Variants in ENTPD5 observed in about 807,000 individuals in gnomAD.
ENTPD5 encodes the protein nucleoside diphosphate phosphatase ENTPD5.
In ENTPD5, 49 loss-of-function variants were observed where a neutral mutation model predicts 60.2. The observed-to-expected ratio is 0.81, with a 90% confidence interval of 0.65 to 1.03. The LOEUF (loss-of-function observed/expected upper bound fraction) is 1.03, where lower values mean the gene tolerates loss of function less well. Ranked by LOEUF, ENTPD5 falls within the 50% of genes least tolerant of loss-of-function variation. The pLI is 0.00. For synonymous variants in ENTPD5, 187 were observed against 185.4 expected, an observed-to-expected ratio of 1.01 and a Z score of -0.07; for missense variants, 480 against 507.6, an observed-to-expected ratio of 0.95 and a Z score of 0.52.
At chr14:73,982,408 T>C (rs565629575) in intron 6 of ENTPD5, among the ~76,000 whole-genome samples, 5 of 152,242 alleles carry the variant, frequency 3.3e-5, no homozygotes, top group African/African-American at 1.2e-4. Context: ...TGTAAGTTTA[T>C]CTTAATAAAG....
intron 3 of ENTPD5, chr14:74,009,178 T>C (rs1594955084): frequency 6.6e-6 from 1 of 152,204 alleles, no homozygotes; most frequent in East Asian, 1.9e-4. Flanking sequence ...TGCCCATTCA[T>C]TAAGAATCAA....
Position 73,966,515 on chromosome 14 carries a change from T to C in ENTPD5, c.*413A>G, listed in dbSNP as rs1594831571. On this transcript the variant is annotated 3_prime_UTR_variant, in exon 16 of 16. Coordinates refer to ENST00000334696, the MANE Select transcript of ENTPD5 (RefSeq NM_001249.5). ...CAGGGGAGGTGGGTGCAGATAAGGG[T>C]GGGCAGGGCACTGTATAGGGAGGAA... 6.5e-6 allele frequency: 1 copy of C among 153,514 alleles called. No individual in the cohort carries two copies. The highest frequency in any genetic ancestry group is 1.4e-5 in the Non-Finnish European group (1 of 69,230). The allele number at this position is 153,514 out of a possible 1,614,324, so 9.5% of individuals were successfully genotyped here. A position where few individuals can be genotyped will look rare whatever the true frequency, so the allele number is the denominator to read the frequency against.
intron 3 of ENTPD5, among the ~76,000 whole-genome samples, chr14:73,988,403 CA>C (rs1463094554): frequency 6.6e-6 from 1 of 152,050 alleles, no homozygotes; most frequent in African/African-American, 2.4e-5. Flanking sequence ...TTTAAAAATA[CA>C]GAGTAATTGT....
chr14:73,962,019 C>T, downstream of ENTPD5: 1 of 1,195,902 alleles, frequency 8.4e-7, no homozygotes, highest in Non-Finnish European at 1.2e-6. Flanking sequence ...ACAATTTCCA[C>T]TCACTGCAGC....
At chr14:73,960,958 G>A, downstream of ENTPD5, 1 of 649,176 alleles carries the variant, frequency 1.5e-6, no homozygotes, top group Non-Finnish European at 2.7e-6. Context: ...GTAGGCAGGG[G>A]CCAGCTCATG....
rs1358783227 is a variant in ENTPD5, at chr14:73,971,920, CAGA to C, written c.1028-15_1028-13del. 1.1e-5 allele frequency: 17 copies of C among 1,523,174 alleles called. No individual in the cohort carries two copies. Among genetic ancestry groups the C allele is most frequent in the Non-Finnish European group, 1.5e-5 (17 of 1,097,336 alleles). 94.4% of individuals were successfully genotyped at this position (1,523,174 alleles called of 1,614,324 possible). A position where few individuals can be genotyped will look rare whatever the true frequency, so the allele number is the denominator to read the frequency against. ...CCCCTTTTCATAATCTGAAATAAAA[CAGA>C]AGATTATCTGATATCAAAACGCCTT... On this transcript the variant is annotated splice_polypyrimidine_tract_variant and intron_variant, in intron 13 of 15. Transcript: ENST00000334696.
intron 4 of ENTPD5, 146 bp from the exon 5 acceptor site, chr14:73,987,039 G>A (rs1241775246): frequency 5.5e-6 from 4 of 732,674 alleles, no homozygotes; most frequent in South Asian, 1.5e-5. Flanking sequence ...ATGTCTTGCA[G>A]GAGTACTGGA....
intron 3 of ENTPD5, among the ~76,000 whole-genome samples, chr14:73,992,918 G>A (rs1281570927): frequency 2.6e-5 from 4 of 152,056 alleles, no homozygotes; most frequent in Non-Finnish European, 4.4e-5. Flanking sequence ...TACGAGAATC[G>A]CTTGAACCTG....
chr14:74,007,344 A>C (rs1052935158), intron 3 of ENTPD5, among the ~76,000 whole-genome samples: 1 of 151,694 alleles, frequency 6.6e-6, no homozygotes, highest in African/African-American at 2.4e-5. Flanking sequence ...ACACGGTGAA[A>C]CCCCGTCTCT....
intron 3 of ENTPD5, among the ~76,000 whole-genome samples, chr14:74,000,779 AAAC>A (rs2058484485): frequency 6.6e-6 from 1 of 152,156 alleles, no homozygotes; most frequent in Admixed American, 6.5e-5. Flanking sequence ...ACCTGTCTCA[AAAC>A]AACAACAAAA....
At chr14:73,962,764 C>T (rs191936224), downstream of ENTPD5, 17 of 591,762 alleles carry the variant, frequency 2.9e-5, no homozygotes, top group Non-Finnish European at 4.5e-5. Context: ...CTGCAGTGAG[C>T]TATGATCACA....
chr14:73,983,160 C>A lies in ENTPD5; in HGVS notation c.299G>T (p.Gly100Val), dbSNP rs2057761373. The change falls in exon 6 of 16, where the codon GGT (glycine) becomes GTT (valine). Residue 100 changes from glycine to valine, a missense_variant and splice_region_variant. Coordinates refer to ENST00000334696, the MANE Select transcript of ENTPD5 (RefSeq NM_001249.5). ...LSAFVDQPKQ[G>V]AETVQGLLEV... is the part of the protein sequence containing the mutation. ...TAAGAGCCCTTGAACGGTCTCAGCA[C>A]CCTTCAAAAGAGATAACCCGTTCAT... 2.5e-6 allele frequency: 4 copies of A among 1,611,886 alleles called. No homozygotes were observed. The highest frequency in any genetic ancestry group is 2.2e-5 in the East Asian group (1 of 44,842).
intron 10 of ENTPD5, 36 bp downstream of exon 10, chr14:73,975,900 A>G (rs781140672): frequency 1.4e-6 from 2 of 1,481,018 alleles, no homozygotes; most frequent in Non-Finnish European, 9.3e-7. Flanking sequence ...GAATCATACA[A>G]CATGAAATAT....
intron 3 of ENTPD5, among the ~76,000 whole-genome samples, chr14:73,999,749 G>A (rs553897673): frequency 1.9e-4 from 29 of 151,700 alleles, no homozygotes; most frequent in Non-Finnish European, 1.8e-4. Flanking sequence ...CCAAGATCAA[G>A]CCACTGCACT....
At chr14:73,976,560 G>T in intron 8 of ENTPD5, 148 bp from the exon 9 acceptor site, 1 of 630,378 alleles carries the variant, frequency 1.6e-6, no homozygotes, top group Non-Finnish European at 2.7e-6. Flanking sequence ...CAACTCGGAA[G>T]GACTCTTGTT....
At chr14:73,969,862 G>A (rs2057145677) in intron 15 of ENTPD5, 148 bp downstream of exon 15, 4 of 528,512 alleles carry the variant, frequency 7.6e-6, no homozygotes, top group Non-Finnish European at 1.4e-5. Context: ...CCACATTCAT[G>A]GTGCCCAGCA....
chr14:73,998,890 G>C (rs1218779302), intron 3 of ENTPD5, among the ~76,000 whole-genome samples: 1 of 152,160 alleles, frequency 6.6e-6, no homozygotes, highest in African/African-American at 2.4e-5. Flanking sequence ...TCACATAGTA[G>C]AGGACACCAA....
chr14:74,018,241 A>G (rs917578298), intron 1 of ENTPD5, among the ~76,000 whole-genome samples: 1 of 152,132 alleles, frequency 6.6e-6, no homozygotes, highest in Non-Finnish European at 1.5e-5. Flanking sequence ...CCCTCAGAAG[A>G]AACAGAAATT....
intron 3 of ENTPD5, among the ~76,000 whole-genome samples, chr14:73,989,420 GGGCGC>G (rs2058040660): frequency 7.5e-6 from 1 of 134,204 alleles, no homozygotes; most frequent in African/African-American, 2.7e-5. Context: ...AAATTAGGCC[GGGCGC>G]GGTGGCTCAT....
Sources: gnomAD v4.1 joint callset for allele counts (sites outside exome capture counted in the v4.1 genomes callset) on GRCh38, gnomAD v4.1.1 for gene constraint, MANE v1.5 for transcripts, NCBI Gene and HGNC (gene_info 2026-07-23, HGNC 2026-07-21) for gene names.